RMST: variants seen among roughly 807,000 people sequenced by gnomAD.
RMST encodes the protein long intergenic non-protein coding RNA 54.
chr12:97,505,338 GTA>G (rs1353508135), intron 10 of RMST, among the ~76,000 whole-genome samples: 1 of 152,230 alleles, frequency 6.6e-6, no homozygotes, highest in Admixed American at 6.5e-5. Flanking sequence ...TGCTTGAAAA[GTA>G]TTTGGGTTTT....
intron 10 of RMST, among the ~76,000 whole-genome samples, chr12:97,516,950 A>G (rs1229503632): frequency 6.6e-6 from 1 of 152,032 alleles, no homozygotes; most frequent in Non-Finnish European, 1.5e-5. Flanking sequence ...ACCTAATAGT[A>G]TTATTATGAG....
At chr12:97,544,608 A>T (rs1319589923) in intron 11 of RMST, among the ~76,000 whole-genome samples, 1 of 152,064 alleles carries the variant, frequency 6.6e-6, no homozygotes, top group African/African-American at 2.4e-5. Flanking sequence ...CTTCGCTAGA[A>T]TTGTAAATTA....
chr12:97,510,337 G>T (rs1484459709), intron 10 of RMST, among the ~76,000 whole-genome samples: 1 of 152,106 alleles, frequency 6.6e-6, no homozygotes, highest in Non-Finnish European at 1.5e-5. Flanking sequence ...AGCCCACAGA[G>T]AAAATAAGAT....
intron 11 of RMST, among the ~76,000 whole-genome samples, chr12:97,558,462 A>C (rs1048791350): frequency 2.0e-5 from 3 of 152,228 alleles, no homozygotes; most frequent in Admixed American, 2.0e-4. Context: ...GGCAGAAAGA[A>C]TGAATTGAGG....
chr12:97,491,132 C>T (rs545999854), intron 5 of RMST, among the ~76,000 whole-genome samples: 34 of 152,300 alleles, frequency 2.2e-4, no homozygotes, highest in South Asian at 1.4e-3. Flanking sequence ...AATGCATGCA[C>T]TCTGAAGCCC....
At chr12:97,483,316 G>A (rs1316459116) in intron 5 of RMST, 1 of 152,130 alleles carries the variant, frequency 6.6e-6, no homozygotes, top group Admixed American at 6.6e-5. Context: ...AGTAGGGTAC[G>A]ATTTTTATTT....
chr12:97,501,991 G>A (rs1462849408), intron 10 of RMST, among the ~76,000 whole-genome samples: 1 of 152,086 alleles, frequency 6.6e-6, no homozygotes, highest in Admixed American at 6.5e-5. Context: ...TATGAGTTAC[G>A]GTTGATAATG....
chr12:97,508,574 G>A (rs1030572472), intron 10 of RMST, among the ~76,000 whole-genome samples: 4 of 152,210 alleles, frequency 2.6e-5, no homozygotes, highest in African/African-American at 9.6e-5. Flanking sequence ...TGCAAGTGAA[G>A]GGATTTCTGA....
At chr12:97,505,191 C>T (rs979120457) in intron 10 of RMST, among the ~76,000 whole-genome samples, 2 of 152,184 alleles carry the variant, frequency 1.3e-5, no homozygotes, top group African/African-American at 2.4e-5. Flanking sequence ...TTTCTTAAGG[C>T]ACTTGCAAGA....
chr12:97,560,587 C>G (rs1019999360), exon 12 of RMST: 4 of 152,234 alleles, frequency 2.6e-5, no homozygotes, highest in African/African-American at 4.8e-5. Flanking sequence ...CCAGGGTTAT[C>G]TCACAACCTC....
intron 10 of RMST, among the ~76,000 whole-genome samples, chr12:97,523,580 C>T (rs1221545846): frequency 3.9e-5 from 6 of 152,150 alleles, no homozygotes; most frequent in Non-Finnish European, 1.5e-5. Context: ...TCACACTGTA[C>T]TCCATGATAG....
chr12:97,488,987 A>G (rs11109063), intron 5 of RMST, among the ~76,000 whole-genome samples: 18,246 of 152,230 alleles, frequency 0.12, 1,376 homozygotes, highest in Non-Finnish European at 0.17. Flanking sequence ...CAAGCTGAAG[A>G]TATGGACAAT....
At chr12:97,466,278 T>G (rs996394059) in intron 5 of RMST, among the ~76,000 whole-genome samples, 5 of 152,116 alleles carry the variant, frequency 3.3e-5, no homozygotes, top group African/African-American at 1.2e-4. Flanking sequence ...AAATAATTGA[T>G]TTTTGAAGGT....
intron 5 of RMST, among the ~76,000 whole-genome samples, chr12:97,490,508 A>C (rs1876668042): frequency 6.6e-6 from 1 of 152,194 alleles, no homozygotes; most frequent in Admixed American, 6.5e-5. Context: ...ATGAGTTTCT[A>C]TACACAAAGC....
chr12:97,559,101 T>G (rs1339067172), intron 11 of RMST, among the ~76,000 whole-genome samples: 9 of 151,830 alleles, frequency 5.9e-5, no homozygotes, highest in Non-Finnish European at 1.5e-5. Flanking sequence ...TCTCTCTCTC[T>G]CTCTCTCTCT....
intron 10 of RMST, among the ~76,000 whole-genome samples, chr12:97,512,700 A>G (rs1879496477): frequency 1.3e-5 from 2 of 152,166 alleles, no homozygotes; most frequent in Non-Finnish European, 2.9e-5. Context: ...TCCCCACCAG[A>G]CTCAGGAGCC....
chr12:97,517,226 TAATC>T (rs1880027349), intron 10 of RMST, among the ~76,000 whole-genome samples: 2 of 152,116 alleles, frequency 1.3e-5, no homozygotes, highest in Admixed American at 6.5e-5. Flanking sequence ...TTTTGAGAAT[TAATC>T]AAACAGAAAG....
chr12:97,531,010 T>A lies in RMST; in HGVS notation n.1545+151T>A, dbSNP rs968053235. Reference sequence around the variant, plus strand: ...ATTTATAGCATATTCTCTGAAAGCTTTTTTTTTTTTTTCCTAAATCTGTAA... The same window carrying A: ...ATTTATAGCATATTCTCTGAAAGCTATTTTTTTTTTTTCCTAAATCTGTAA... On this transcript the variant is annotated intron_variant and non_coding_transcript_variant, in intron 11 of 13. Coordinates refer to ENST00000640149, the Ensembl canonical transcript of RMST. 1.6e-4 allele frequency among the ~76,000 whole-genome samples: 6 copies of A among 38,640 alleles called. No individual in the cohort carries two copies. The South Asian group carries it at 3.4e-3, about 22-fold the overall frequency. 25.3% of individuals were successfully genotyped at this position (38,640 alleles called of 152,430 possible).
intron 10 of RMST, among the ~76,000 whole-genome samples, chr12:97,505,341 T>G (rs1878552265): frequency 6.6e-6 from 1 of 152,248 alleles, no homozygotes; most frequent in Non-Finnish European, 1.5e-5. Flanking sequence ...TTGAAAAGTA[T>G]TTGGGTTTTG....
Sources: allele counts gnomAD v4.1 joint callset (sites outside exome capture counted in the v4.1 genomes callset), GRCh38; gene constraint gnomAD v4.1.1; transcripts MANE v1.5; gene names NCBI Gene and HGNC (gene_info 2026-07-23, HGNC 2026-07-21).